The following TRAPPC9 variants were observed in gnomAD, a reference collection of about 807,000 sequenced individuals.
The protein encoded by TRAPPC9 is trafficking protein particle complex subunit 9.
TRAPPC9 carries 83 observed loss-of-function variants against 124.0 expected under a neutral mutation model. That is an observed-to-expected ratio of 0.67 (90% CI 0.56 to 0.80). TRAPPC9 has a LOEUF of 0.80. Among genes scored for constraint, TRAPPC9 ranks in the 30% least tolerant of loss-of-function variants. The pLI is 0.00. For missense variants in TRAPPC9, 1,302 were observed against 1,508.3 expected, an observed-to-expected ratio of 0.86 and a Z score of 2.27; for synonymous variants, 638 against 617.5, an observed-to-expected ratio of 1.03 and a Z score of -0.49.
intron 20 of TRAPPC9, among the ~76,000 whole-genome samples, chr8:139,886,864 G>A (rs896272073): frequency 2.6e-5 from 4 of 152,176 alleles, no homozygotes; most frequent in South Asian, 2.1e-4. Context: ...CCTGAGAATC[G>A]CATTGGCCAA....
intron 12 of TRAPPC9, among the ~76,000 whole-genome samples, chr8:140,289,576 G>C (rs907144699): frequency 6.6e-6 from 1 of 152,060 alleles, no homozygotes; most frequent in Non-Finnish European, 1.5e-5. Flanking sequence ...TGATTTGTGG[G>C]CTATCTCCAT....
At chr8:140,375,525 A>G (rs1282624661) in intron 7 of TRAPPC9, among the ~76,000 whole-genome samples, 1 of 152,230 alleles carries the variant, frequency 6.6e-6, no homozygotes, top group Non-Finnish European at 1.5e-5. Context: ...ATGGAGAGGG[A>G]GGAATACAGC....
intron 21 of TRAPPC9, among the ~76,000 whole-genome samples, chr8:139,813,666 G>A (rs1030466358): frequency 1.3e-5 from 2 of 152,202 alleles, no homozygotes; most frequent in East Asian, 1.9e-4. Flanking sequence ...GAGGGGCCTC[G>A]GAAAGCTGGT....
At chr8:140,071,943 A>G (rs1182641886) in intron 17 of TRAPPC9, among the ~76,000 whole-genome samples, 2 of 152,232 alleles carry the variant, frequency 1.3e-5, no homozygotes, top group Admixed American at 1.3e-4. Flanking sequence ...GCGCTCTGCC[A>G]CATTCACAAA....
intron 15 of TRAPPC9, among the ~76,000 whole-genome samples, chr8:140,273,968 T>G (rs1381418428): frequency 1.3e-5 from 2 of 152,182 alleles, no homozygotes; most frequent in Non-Finnish European, 2.9e-5. Context: ...AATTAACAAC[T>G]GCCAGCAGGT....
In TRAPPC9 at chr8:140,338,636, A is replaced by G. The variant is rs536510586; in HGVS notation, c.1495+21414T>C. ...CTAAGCTAATATGACTGGCGTCCTT[A>G]TAACGAGAGGGGATTAGGACACAGG... On this transcript the variant is annotated intron_variant, in intron 9 of 22. Transcript: ENST00000438773. Among the ~76,000 whole-genome samples the G allele has an allele frequency of 2.6e-5, 4 of 152,366 alleles. No individual in the cohort carries two copies. The South Asian group carries it at 8.3e-4, about 32-fold the overall frequency.
chr8:139,855,605 G>GAT (rs1827750864), intron 21 of TRAPPC9, among the ~76,000 whole-genome samples: 1 of 152,232 alleles, frequency 6.6e-6, no homozygotes, highest in Non-Finnish European at 1.5e-5. Flanking sequence ...GGAGTGGGAA[G>GAT]TCCCCTGTTT....
At chr8:140,011,482 C>G (rs1325222828) in intron 18 of TRAPPC9, among the ~76,000 whole-genome samples, 2 of 149,416 alleles carry the variant, frequency 1.3e-5, no homozygotes, top group East Asian at 3.9e-4. Context: ...CTCTACTTAA[C>G]ATGCTTCCAG....
chr8:140,435,738 G>A (rs2070789999), intron 3 of TRAPPC9, among the ~76,000 whole-genome samples: 1 of 152,174 alleles, frequency 6.6e-6, no homozygotes, highest in African/African-American at 2.4e-5. Flanking sequence ...CTCCTTTTGA[G>A]GTTGTAGTCC....
At chr8:140,118,385 C>T (rs1328913408) in intron 17 of TRAPPC9, among the ~76,000 whole-genome samples, 1 of 152,224 alleles carries the variant, frequency 6.6e-6, no homozygotes, top group Non-Finnish European at 1.5e-5. Context: ...ACTGTTATGG[C>T]CTTCAAGAGG....
chr8:139,784,050 T>A (rs550108718), intron 21 of TRAPPC9, among the ~76,000 whole-genome samples: 1 of 152,284 alleles, frequency 6.6e-6, no homozygotes, highest in Non-Finnish European at 1.5e-5. Context: ...TACTTAAGGG[T>A]AAAAGACCCC....
chr8:140,000,278 C>T (rs1027724125), intron 18 of TRAPPC9, among the ~76,000 whole-genome samples: 3 of 152,114 alleles, frequency 2.0e-5, no homozygotes, highest in African/African-American at 7.2e-5. Flanking sequence ...CCATAAAAAC[C>T]CTAGAAGAAA....
intron 17 of TRAPPC9, among the ~76,000 whole-genome samples, chr8:140,205,637 T>C (rs943918102): frequency 1.3e-5 from 2 of 152,212 alleles, no homozygotes; most frequent in African/African-American, 4.8e-5. Flanking sequence ...AATGGATTAA[T>C]GAGAATACAG....
At position 140,175,287 on chromosome 8, in the gene TRAPPC9, T is replaced by C. The variant is rs185685028; in HGVS notation, c.2556+46172A>G. Among the ~76,000 whole-genome samples, 131 of 151,964 alleles carry C rather than the reference T, an allele frequency of 8.6e-4. 4 individuals are homozygous for C. The East Asian group carries it at 0.024, about 28-fold the overall frequency. On this transcript the variant is annotated intron_variant, in intron 17 of 22. Coordinates refer to ENST00000438773, the MANE Select transcript of TRAPPC9 (RefSeq NM_001160372.4). ...TGGTTTTTGAATTATGAACCTCCAT[T>C]ACACTGAGTGTCAGCAAGAGATGTA... is the stretch of plus-strand genomic sequence containing the variant.
chr8:139,880,423 C>T (rs540246718), intron 21 of TRAPPC9, among the ~76,000 whole-genome samples: 1 of 152,280 alleles, frequency 6.6e-6, no homozygotes, highest in Non-Finnish European at 1.5e-5. Flanking sequence ...CCCCTGCTAC[C>T]CAGTTCAGCT....
chr8:140,252,997 T>A lies in TRAPPC9; in HGVS notation c.2279-68A>T. ...GGCAGTATGGGACTTACCAATCCCC[T>A]AGAAAATTCTGATGCATTCTCAAAA... On this transcript the variant is annotated intron_variant, in intron 15 of 22. Transcript: ENST00000438773. The surrounding 1 kb of genome is among the most constrained non-coding windows in gnomAD (Gnocchi z 4.2). 3 of 1,509,928 alleles carry A rather than the reference T, an allele frequency of 2.0e-6. No homozygotes were observed. The highest frequency in any genetic ancestry group is 1.8e-6 in the Non-Finnish European group (2 of 1,094,078). The allele number at this position is 1,509,928 out of a possible 1,614,324, so 93.5% of individuals were successfully genotyped here. A position where few individuals can be genotyped will look rare whatever the true frequency, so the allele number is the denominator to read the frequency against.
chr8:140,278,927 CT>C (rs2065217517), intron 14 of TRAPPC9, among the ~76,000 whole-genome samples: 1 of 152,274 alleles, frequency 6.6e-6, no homozygotes. Context: ...GACCTGCCTT[CT>C]GTCTCTGAAG....
Position 139,981,746 on chromosome 8 carries a change from G to A in TRAPPC9, c.2810+6980C>T, listed in dbSNP as rs1445998845. The stretch of plus-strand genomic sequence containing the variant: ...GAAACCACTTTCTCAAAGCATCCTC[G>A]AGGAGAAGTTGTGGAGCCCCCAGGT... On this transcript the variant is annotated intron_variant, in intron 19 of 22. Transcript: ENST00000438773. 1.1e-4 allele frequency among the ~76,000 whole-genome samples: 16 copies of A among 152,214 alleles called. 1 individual carries two copies. The highest frequency in any genetic ancestry group is 1.0e-3 in the Admixed American group (16 of 15,288).
At chr8:139,745,026 G>A (rs112977081) in intron 21 of TRAPPC9, among the ~76,000 whole-genome samples, 6 of 152,300 alleles carry the variant, frequency 3.9e-5, no homozygotes, top group African/African-American at 9.6e-5. Context: ...GGTGAGCTCC[G>A]GAGAGGAGAA....
Sources: gnomAD v4.1 joint callset for allele counts (sites outside exome capture counted in the v4.1 genomes callset) on GRCh38, gnomAD v4.1.1 for gene constraint, Gnocchi (gnomAD v3.1) non-coding constraint, MANE v1.5 for transcripts, NCBI Gene and HGNC (gene_info 2026-07-23, HGNC 2026-07-21) for gene names.